Variants in LMNB2 observed in about 807,000 individuals in gnomAD.
LMNB2 encodes lamin B2.
Under a neutral mutation model 69.3 loss-of-function variants are expected in LMNB2, and 17 were observed. The observed-to-expected ratio is 0.25, with a 90% CI of 0.17 to 0.37. LMNB2 has a LOEUF of 0.37. Among genes scored for constraint, LMNB2 ranks in the 10% least tolerant of loss-of-function variants. The probability of loss-of-function intolerance (pLI) is 1.00; values close to 1 mark genes in which losing one functional copy is unlikely to be tolerated. For synonymous variants in LMNB2, 397 were observed against 389.3 expected, an observed-to-expected ratio of 1.02 and a Z score of -0.23; for missense variants, 789 against 883.6, an observed-to-expected ratio of 0.89 and a Z score of 1.36.
rs946545922 is a variant in LMNB2 at position 2,453,893 on chromosome 19, C to T, written c.264+2777G>A. ...AAACCAGCTCTAACCCTGCACGCCA[C>T]GGGTCCAGCAGGCGGCCTCTAAGTT... is the stretch of plus-strand genomic sequence containing the variant. On this transcript the variant is annotated intron_variant, in intron 1 of 11. Coordinates refer to ENST00000325327, the MANE Select transcript of LMNB2 (RefSeq NM_032737.4). This position sits in a 1 kb window ranked among gnomAD's most constrained non-coding sequence, Gnocchi z 4.4. Among the ~76,000 whole-genome samples the T allele has an allele frequency of 4.6e-5, 7 of 152,186 alleles. No individual in the cohort carries two copies. The East Asian group carries it at 1.3e-3, about 29-fold the overall frequency.
chr19:2,450,828 C>T (rs1476072224), intron 1 of LMNB2, among the ~76,000 whole-genome samples: 2 of 151,118 alleles, frequency 1.3e-5, no homozygotes, highest in African/African-American at 2.4e-5. Context: ...GACGGGGCTT[C>T]ACCATGTTGG....
rs143049850 is a variant in LMNB2, at chr19:2,442,107, A to T, written c.401+2297T>A. Among the ~76,000 whole-genome samples, 528 of 152,266 alleles carry T rather than the reference A, an allele frequency of 3.5e-3. 8 individuals carry two copies. The highest frequency in any genetic ancestry group is 0.028 in the Admixed American group (422 of 15,274). The stretch of plus-strand genomic sequence containing the variant: ...CAGGCTCTGGCTTGTTAGGTCCTGC[A>T]CGCTGCTCCCAGTGTTTCTCTCATT... On this transcript the variant is annotated intron_variant, in intron 2 of 11. Transcript: ENST00000325327.
rs1044948162 is a variant in LMNB2 at position 2,453,753 on chromosome 19, G to A, written c.264+2917C>T. ...GGGCACAGGGCCGGTCCAATGGGGC[G>A]TCCAGTGGGGCTGGGGCTGGTACCT... On this transcript the variant is annotated intron_variant, in intron 1 of 11. Coordinates refer to ENST00000325327, the MANE Select transcript of LMNB2 (RefSeq NM_032737.4). This position sits in a 1 kb window ranked among gnomAD's most constrained non-coding sequence, Gnocchi z 4.4. 3.9e-5 allele frequency among the ~76,000 whole-genome samples: 6 copies of A among 152,126 alleles called. No individual in the cohort carries two copies. Among genetic ancestry groups the A allele is most frequent in the Non-Finnish European group, 8.8e-5 (6 of 68,018 alleles).
intron 1 of LMNB2, among the ~76,000 whole-genome samples, chr19:2,456,095 G>A (rs1287296361): frequency 6.6e-6 from 1 of 150,386 alleles, no homozygotes; most frequent in Non-Finnish European, 1.5e-5. Context: ...AGAGTCCCCC[G>A]CGATCGCGCG....
chr19:2,445,105 G>A (rs1216878263), intron 1 of LMNB2, among the ~76,000 whole-genome samples: 1 of 152,062 alleles, frequency 6.6e-6, no homozygotes, highest in Admixed American at 6.5e-5. Context: ...GATCACTCTC[G>A]GACAACTGGT....
rs1971925982 is a variant in LMNB2 at position 2,443,955 on chromosome 19, C to T, written c.401+449G>A. Among the ~76,000 whole-genome samples the T allele has an allele frequency of 6.6e-6, 1 of 152,098 alleles. No individual in the cohort carries two copies. Among genetic ancestry groups the T allele is most frequent in the Admixed American group, 6.5e-5 (1 of 15,268 alleles). ...AGCACCCTGGTCACACACCACACAC[C>T]CGAGCGTCCCAACAGCTGGGACAAA... On this transcript the variant is annotated intron_variant, in intron 2 of 11. Transcript: ENST00000325327. The surrounding 1 kb of genome is among the most constrained non-coding windows in gnomAD (Gnocchi z 6.2).
rs371201812 is a variant in LMNB2 at position 2,431,479 on chromosome 19, A to ATG, written c.1821+67_1821+68dup. ...GGGGATGCGGCCAGCACGCATGTGT[A>ATG]TGTGTGTGCACGAGCTCACTCTGCC... is the stretch of plus-strand genomic sequence containing the variant. On this transcript the variant is annotated intron_variant, in intron 11 of 11. Transcript: ENST00000325327. 4.1e-3 allele frequency: 6,540 copies of ATG among 1,603,058 alleles called. 26 individuals are homozygous for ATG. Among genetic ancestry groups the ATG allele is most frequent in the Non-Finnish European group, 5.3e-3 (6,191 of 1,170,472 alleles).
At chr19:2,448,629 C>T (rs758774972) in intron 1 of LMNB2, among the ~76,000 whole-genome samples, 46 of 152,092 alleles carry the variant, frequency 3.0e-4, no homozygotes, top group Non-Finnish European at 5.3e-4. Flanking sequence ...GGGCGGATTA[C>T]GAGGTTAGGA....
At chr19:2,435,654 CT>C (rs1051193287) in intron 4 of LMNB2, among the ~76,000 whole-genome samples, 5 of 152,104 alleles carry the variant, frequency 3.3e-5, no homozygotes, top group African/African-American at 1.2e-4. Context: ...GAACTGTACA[CT>C]TTAAAAAGGT....
At chr19:2,456,580 C>A in intron 1 of LMNB2, 90 bp downstream of exon 1, 7 of 1,274,902 alleles carry the variant, frequency 5.5e-6, no homozygotes, top group Non-Finnish European at 6.0e-6. Context: ...CCGTCTGCAC[C>A]CCCGCCCAGG....
Position 2,432,821 on chromosome 19 carries a change from C to T in LMNB2, c.1483-298G>A, listed in dbSNP as rs541937028. 1.7e-3 allele frequency among the ~76,000 whole-genome samples: 221 copies of T among 131,190 alleles called. 1 individual carries two copies. The highest frequency in any genetic ancestry group is 4.0e-3 in the African/African-American group (134 of 33,686). The allele number at this position is 131,190 out of a possible 152,430, so 86.1% of individuals were successfully genotyped here. ...TTGGCCGGCAGCCCCGTCACCCTGACCCTGGTCACCCCATCAGCTGGGTCA... is the reference window on the plus strand; with the variant it reads ...TTGGCCGGCAGCCCCGTCACCCTGATCCTGGTCACCCCATCAGCTGGGTCA... On this transcript the variant is annotated intron_variant, in intron 8 of 11. Coordinates refer to ENST00000325327, the MANE Select transcript of LMNB2 (RefSeq NM_032737.4).
intron 4 of LMNB2, among the ~76,000 whole-genome samples, chr19:2,437,666 T>A (rs2145453331): frequency 6.6e-6 from 1 of 152,148 alleles, no homozygotes; most frequent in South Asian, 2.1e-4. Context: ...CTGGGCATGG[T>A]GGTGCACGCC....
chr19:2,431,602 C>T lies in LMNB2; in HGVS notation c.1767G>A (p.Gly589=). The T allele has an allele frequency of 2.5e-6, 4 of 1,614,158 alleles. No individual in the cohort carries two copies. The highest frequency in any genetic ancestry group is 1.7e-6 in the Non-Finnish European group (2 of 1,179,986). Residue 589 remains glycine (G), a synonymous_variant, in exon 11 of 12, where the codon GGG becomes GGA. Transcript: ENST00000325327. The part of the protein sequence containing the change: ...KSSVMRENEN[G]EEEEEEAEFG... ...ACTCGGCTTCCTCCTCCTCTTCCTCCCCATTCTCATTCTCACGCATCACCG... is the reference window on the plus strand; with the variant it reads ...ACTCGGCTTCCTCCTCCTCTTCCTCTCCATTCTCATTCTCACGCATCACCG...
At position 2,432,012 on chromosome 19, in the gene LMNB2, C is replaced by A. The variant is rs73510366; in HGVS notation, c.1591-110G>T. ...CCCTTCAATGCCCTGGGCGTTCAGT[C>A]CTTCCAGCCCGACGCAGGCTTATCC... On this transcript the variant is annotated intron_variant, in intron 9 of 11. Transcript: ENST00000325327. 1,572 of 1,379,296 alleles carry A rather than the reference C, an allele frequency of 1.1e-3. 8 individuals carry two copies. In the African/African-American group the frequency reaches 0.017, roughly 15 times the overall value. 85.4% of individuals were successfully genotyped at this position (1,379,296 alleles called of 1,614,324 possible).
Position 2,430,865 on chromosome 19 carries a change from T to G in LMNB2, c.*46A>C. On this transcript the variant is annotated 3_prime_UTR_variant, in exon 12 of 12. Transcript: ENST00000325327. ...AAAGCCAATGATATAAAAATAGTTT[T>G]CAGTGGCTCTGGGTAAAGAAAGGTG... is the stretch of plus-strand genomic sequence containing the variant. 2 of 1,255,864 alleles carry G rather than the reference T, an allele frequency of 1.6e-6. No homozygotes were observed. Among genetic ancestry groups the G allele is most frequent in the Non-Finnish European group, 2.3e-6 (2 of 852,794 alleles). 77.8% of individuals were successfully genotyped at this position (1,255,864 alleles called of 1,614,324 possible).
rs372474156 is a variant in LMNB2 at position 2,438,530 on chromosome 19, C to T, written c.403G>A (p.Ala135Thr). Reference protein sequence around the residue: ...RAELDEVNKSAKKREGELTVA... With the variant: ...RAELDEVNKSTKKREGELTVA... ...GTAAGCTCGCCCTCCCTCTTCTTGG[C>T]GCTGAAAGTCAAGAGGGCAAGTGAG... The change falls in exon 3 of 12, where the codon GCC becomes ACC. Residue 135 changes from alanine to threonine, a missense_variant and splice_region_variant. This residue lies in a region of LMNB2 where 145 missense variants were observed against 228.9 expected (regional missense o/e 0.63). Transcript: ENST00000325327. 70 of 1,607,574 alleles carry T rather than the reference C, an allele frequency of 4.4e-5. 1 individual carries two copies. In the East Asian group the frequency reaches 8.7e-4, roughly 20 times the overall value.
At position 2,447,791 on chromosome 19, in the gene LMNB2, C is replaced by G. The variant is rs560496436; in HGVS notation, c.265-3251G>C. On this transcript the variant is annotated intron_variant, in intron 1 of 11. Coordinates refer to ENST00000325327, the MANE Select transcript of LMNB2 (RefSeq NM_032737.4). The surrounding 1 kb of genome is among the most constrained non-coding windows in gnomAD (Gnocchi z 4.4). ...GCTGGGGGCCTGCCAGGACGCACCC[C>G]TTGGCAGTGACCGGGCCTCTTCTGA... Among the ~76,000 whole-genome samples, 333 of 152,316 alleles carry G rather than the reference C, an allele frequency of 2.2e-3. 1 individual carries two copies. The highest frequency in any genetic ancestry group is 7.7e-3 in the African/African-American group (321 of 41,562).
rs566675422 is a variant in LMNB2, at chr19:2,430,790, G to C, written c.*121C>G. On this transcript the variant is annotated 3_prime_UTR_variant, in exon 12 of 12. Transcript: ENST00000325327. ...AGGGCTGGGGGAGACCCACCCACAC[G>C]TTCTGGCAGTTCGCTTAGAAATTCT... The C allele has an allele frequency of 6.2e-6, 5 of 802,458 alleles. No homozygotes were observed. In the African/African-American group the frequency reaches 6.7e-5, roughly 11 times the overall value. The allele number at this position is 802,458 out of a possible 1,614,324, so 49.7% of individuals were successfully genotyped here.
At chr19:2,431,434 AG>A in intron 11 of LMNB2, 113 bp downstream of exon 11, 1 of 1,371,580 alleles carries the variant, frequency 7.3e-7, no homozygotes, top group Admixed American at 1.7e-5. Context: ...GAGCCACGGC[AG>A]CCAGATGGAG....
Sources: allele counts gnomAD v4.1 joint callset (sites outside exome capture counted in the v4.1 genomes callset), GRCh38; gene constraint gnomAD v4.1.1; regional missense constraint gnomAD v4.1.1; non-coding constraint Gnocchi (gnomAD v3.1); transcripts MANE v1.5; gene names NCBI Gene and HGNC (gene_info 2026-07-23, HGNC 2026-07-21).